Variants in RNGTT observed in about 807,000 individuals in gnomAD.
The protein encoded by RNGTT is mRNA-capping enzyme.
Under a neutral mutation model 79.3 loss-of-function variants are expected in RNGTT, and 33 were observed. The observed-to-expected ratio is 0.42, with a 90% CI of 0.32 to 0.56. The LOEUF (loss-of-function observed/expected upper bound fraction) is 0.56, where lower values mean the gene tolerates loss of function less well. Among genes scored for constraint, RNGTT ranks in the 20% least tolerant of loss-of-function variants. The probability of loss-of-function intolerance (pLI) is 0.17; values close to 1 mark genes in which losing one functional copy is unlikely to be tolerated. For missense variants in RNGTT, 497 were observed against 739.1 expected, an observed-to-expected ratio of 0.67 and a Z score of 3.80; for synonymous variants, 222 against 235.9, an observed-to-expected ratio of 0.94 and a Z score of 0.54.
intron 2 of RNGTT, among the ~76,000 whole-genome samples, chr6:88,934,986 T>C (rs1784621724): frequency 6.6e-6 from 1 of 152,224 alleles, no homozygotes; most frequent in South Asian, 2.1e-4. Context: ...GTCTTAGCCA[T>C]AAAATTGTTA....
At chr6:88,810,756 T>C (rs972870465) in intron 11 of RNGTT, among the ~76,000 whole-genome samples, 3 of 152,216 alleles carry the variant, frequency 2.0e-5, no homozygotes, top group South Asian at 4.1e-4. Flanking sequence ...GTTGCACTGG[T>C]ATCCTAATGT....
chr6:88,710,620 C>A (rs780583813), intron 13 of RNGTT, among the ~76,000 whole-genome samples: 1 of 152,074 alleles, frequency 6.6e-6, no homozygotes, highest in Non-Finnish European at 1.5e-5. Context: ...AAATAGAGTT[C>A]TAGAAAGCAA....
chr6:88,808,688 T>C (rs1450613569), intron 11 of RNGTT, among the ~76,000 whole-genome samples: 2 of 152,134 alleles, frequency 1.3e-5, no homozygotes, highest in African/African-American at 4.8e-5. Flanking sequence ...AGCAGGCAGA[T>C]AGCTTGAGCC....
In RNGTT at chr6:88,679,089, C is replaced by T. The variant is rs558234312; in HGVS notation, c.1440-670G>A. ...ACGTGAAGATAACAAGGATGAAGACCTGTATGATGATGCACCACCACTATG... is the reference window on the plus strand; with the variant it reads ...ACGTGAAGATAACAAGGATGAAGACTTGTATGATGATGCACCACCACTATG... On this transcript the variant is annotated intron_variant, in intron 13 of 15. Transcript: ENST00000369485. Among the ~76,000 whole-genome samples the T allele has an allele frequency of 4.6e-5, 7 of 152,076 alleles. No individual in the cohort carries two copies. In the East Asian group the frequency reaches 1.2e-3, roughly 25 times the overall value.
chr6:88,822,566 A>AC, intron 11 of RNGTT, among the ~76,000 whole-genome samples: 1 of 152,342 alleles, frequency 6.6e-6, no homozygotes, highest in South Asian at 2.1e-4. Context: ...AAAAATAGGT[A>AC]TAAATCCCCT....
chr6:88,679,475 T>C (rs1775006375), intron 13 of RNGTT, among the ~76,000 whole-genome samples: 1 of 152,234 alleles, frequency 6.6e-6, no homozygotes, highest in Non-Finnish European at 1.5e-5. Context: ...TCAAATGGCA[T>C]ATATTTTATT....
intron 1 of RNGTT, among the ~76,000 whole-genome samples, chr6:88,955,277 G>A (rs956742876): frequency 2.6e-5 from 4 of 152,144 alleles, no homozygotes; most frequent in South Asian, 2.1e-4. Context: ...ATCACCAGGC[G>A]TGGTGGCTCA....
intron 12 of RNGTT, among the ~76,000 whole-genome samples, chr6:88,781,078 G>T (rs1005786846): frequency 6.6e-6 from 1 of 152,138 alleles, no homozygotes; most frequent in Non-Finnish European, 1.5e-5. Context: ...AGCCCAAAAT[G>T]TCAATGGTGC....
chr6:88,903,033 T>C (rs1562311657), intron 6 of RNGTT, among the ~76,000 whole-genome samples: 1 of 152,042 alleles, frequency 6.6e-6, no homozygotes. Flanking sequence ...AGTAAAGGAA[T>C]GTATGGTCAA....
intron 14 of RNGTT, among the ~76,000 whole-genome samples, chr6:88,645,932 C>T (rs1773532949): frequency 6.6e-6 from 1 of 152,188 alleles, no homozygotes; most frequent in South Asian, 2.1e-4. Flanking sequence ...CCATTCAGGA[C>T]ATAGGCATGG....
At chr6:88,811,169 A>AC (rs1285339092) in intron 11 of RNGTT, among the ~76,000 whole-genome samples, 31 of 152,308 alleles carry the variant, frequency 2.0e-4, no homozygotes, top group African/African-American at 7.5e-4. Context: ...ATATCTGGTC[A>AC]ATCACCCTAA....
chr6:88,621,520 CAAAAT>C (rs1468982169), intron 14 of RNGTT, among the ~76,000 whole-genome samples: 3 of 151,974 alleles, frequency 2.0e-5, no homozygotes, highest in African/African-American at 7.2e-5. Flanking sequence ...TCCCCAAAAA[CAAAAT>C]AAAAGGTTTT....
chr6:88,926,167 T>G (rs893714428), intron 4 of RNGTT, among the ~76,000 whole-genome samples: 5 of 152,240 alleles, frequency 3.3e-5, no homozygotes, highest in Non-Finnish European at 7.3e-5. Context: ...AAAATTCACT[T>G]ATTATGTGGT....
chr6:88,940,259 A>G (rs1748889733), intron 2 of RNGTT, among the ~76,000 whole-genome samples: 1 of 151,566 alleles, frequency 6.6e-6, no homozygotes, highest in South Asian at 2.1e-4. Flanking sequence ...TTGTATTTTT[A>G]GTAGAGACAG....
intron 14 of RNGTT, among the ~76,000 whole-genome samples, 169 bp from the exon 15 acceptor site, chr6:88,614,564 C>G (rs1441578291): frequency 2.0e-5 from 3 of 152,192 alleles, no homozygotes; most frequent in Non-Finnish European, 4.4e-5. Flanking sequence ...GGTGTGCACT[C>G]CCTTGTACAC....
At chr6:88,719,616 C>T (rs1013284454) in intron 13 of RNGTT, among the ~76,000 whole-genome samples, 3 of 152,124 alleles carry the variant, frequency 2.0e-5, no homozygotes, top group Non-Finnish European at 4.4e-5. Flanking sequence ...GAAGAGATTG[C>T]ATTTTTACCT....
At chr6:88,926,382 T>G (rs865835999) in intron 4 of RNGTT, among the ~76,000 whole-genome samples, 1 of 152,220 alleles carries the variant, frequency 6.6e-6, no homozygotes, top group Admixed American at 6.5e-5. Context: ...AACTATTTTT[T>G]TCTGTGCTCG....
At chr6:88,905,657 C>G (rs1363934175) in intron 5 of RNGTT, among the ~76,000 whole-genome samples, 1 of 152,122 alleles carries the variant, frequency 6.6e-6, no homozygotes, top group Admixed American at 6.5e-5. Context: ...TCTAAAAACA[C>G]ACTTCAAAAA....
At chr6:88,732,319 C>A (rs1158062947) in intron 13 of RNGTT, among the ~76,000 whole-genome samples, 2 of 152,148 alleles carry the variant, frequency 1.3e-5, no homozygotes, top group Non-Finnish European at 2.9e-5. Flanking sequence ...CAAATCCAAA[C>A]TACAATGAGA....
Sources: gnomAD v4.1 joint callset for allele counts (sites outside exome capture counted in the v4.1 genomes callset) on GRCh38, gnomAD v4.1.1 for gene constraint, MANE v1.5 for transcripts, NCBI Gene and HGNC (gene_info 2026-07-23, HGNC 2026-07-21) for gene names.